GPC6: variants seen among roughly 807,000 people sequenced by gnomAD.
GPC6 encodes glypican-6.
In GPC6, 14 loss-of-function variants were observed where a neutral mutation model predicts 55.2. That is an observed-to-expected ratio of 0.25 (90% CI 0.17 to 0.40). The LOEUF (loss-of-function observed/expected upper bound fraction) is 0.40. GPC6 is among the 10% of genes least tolerant of loss of function. The pLI is 1.00. For synonymous variants in GPC6, 278 were observed against 259.6 expected (o/e 1.07, Z -0.68); for missense variants, 641 against 708.5 (o/e 0.90, Z 1.08).
intron 4 of GPC6, among the ~76,000 whole-genome samples, chr13:94,037,929 A>G (rs891967884): frequency 7.2e-5 from 11 of 152,016 alleles, no homozygotes; most frequent in African/African-American, 2.7e-4. Context: ...TGCTTGACAT[A>G]TGTCTAGTAA....
intron 2 of GPC6, among the ~76,000 whole-genome samples, chr13:93,655,309 A>G (rs1880615476): frequency 6.6e-6 from 1 of 152,104 alleles, no homozygotes; most frequent in Admixed American, 6.5e-5. Flanking sequence ...ATTATAACTG[A>G]GTCATGCCTG....
intron 2 of GPC6, among the ~76,000 whole-genome samples, chr13:93,594,966 T>C (rs1594296423): frequency 6.6e-6 from 1 of 151,972 alleles, no homozygotes; most frequent in Non-Finnish European, 1.5e-5. Context: ...ACATACGAAT[T>C]TGGGGATAGG....
intron 4 of GPC6, among the ~76,000 whole-genome samples, chr13:94,285,668 C>T (rs1021043995): frequency 1.5e-4 from 23 of 152,258 alleles, no homozygotes; most frequent in African/African-American, 5.5e-4. Context: ...ATGTCTTCAA[C>T]AGAAAACTAA....
chr13:94,392,957 A>G (rs1254696802), intron 7 of GPC6, among the ~76,000 whole-genome samples: 1 of 152,190 alleles, frequency 6.6e-6, no homozygotes, highest in African/African-American at 2.4e-5. Flanking sequence ...TTTCTGCAGC[A>G]ACTACACCAT....
intron 4 of GPC6, among the ~76,000 whole-genome samples, chr13:94,169,784 T>C (rs1594015288): frequency 1.3e-5 from 2 of 152,062 alleles, no homozygotes; most frequent in Middle Eastern, 3.2e-3. Context: ...ACAGAGAACG[T>C]CACAGAGAGA....
chr13:93,830,123 A>G (rs904191135), intron 2 of GPC6, 31 bp from the exon 3 acceptor site: 2 of 1,580,782 alleles, frequency 1.3e-6, no homozygotes, highest in African/African-American at 2.7e-5. Flanking sequence ...AGATTTCATT[A>G]ATTTATGACT....
chr13:93,491,862 T>C (rs1430174739), intron 1 of GPC6, among the ~76,000 whole-genome samples: 1 of 105,588 alleles, frequency 9.5e-6, no homozygotes, highest in African/African-American at 3.5e-5. Flanking sequence ...AGGGCTCTGT[T>C]CTGCTCCATT....
chr13:94,122,766 G>A (rs958896284), intron 4 of GPC6, among the ~76,000 whole-genome samples: 1 of 152,002 alleles, frequency 6.6e-6, no homozygotes, highest in Non-Finnish European at 1.5e-5. Flanking sequence ...TCCTCATTTT[G>A]CAGATAAAGC....
intron 6 of GPC6, among the ~76,000 whole-genome samples, chr13:94,360,715 C>G (rs183965930): frequency 6.6e-5 from 10 of 152,280 alleles, no homozygotes; most frequent in East Asian, 1.9e-4. Flanking sequence ...TCCTCCTCCC[C>G]CCAAATATAT....
At chr13:93,632,473 G>T (rs186072643) in intron 2 of GPC6, among the ~76,000 whole-genome samples, 68 of 151,784 alleles carry the variant, frequency 4.5e-4, no homozygotes, top group Non-Finnish European at 9.0e-4. Flanking sequence ...GCCCAGCATG[G>T]TGGTGTGTAC....
intron 4 of GPC6, among the ~76,000 whole-genome samples, chr13:94,281,714 A>G (rs1335936813): frequency 6.6e-6 from 1 of 152,222 alleles, no homozygotes; most frequent in African/African-American, 2.4e-5. Flanking sequence ...CTGTGTCAAG[A>G]GACTTCACTC....
At chr13:94,376,637 C>T (rs1380633754) in intron 6 of GPC6, among the ~76,000 whole-genome samples, 1 of 151,780 alleles carries the variant, frequency 6.6e-6, no homozygotes, top group Non-Finnish European at 1.5e-5. Context: ...AGGTAATTTA[C>T]AGATTCAATG....
In GPC6 at chr13:94,215,993, G is replaced by A. The variant is rs371599078; in HGVS notation, c.878-70356G>A. ...CGTATTTCAAATATGTTTTTTAGAC[G>A]TTAGTTCCTATTCTTTGTCATAAAA... is the stretch of plus-strand genomic sequence containing the variant. On this transcript the variant is annotated intron_variant, in intron 4 of 8. Coordinates refer to ENST00000377047, the MANE Select transcript of GPC6 (RefSeq NM_005708.5). Among the ~76,000 whole-genome samples, 13 of 52,332 alleles carry A rather than the reference G, an allele frequency of 2.5e-4. No individual in the cohort carries two copies. The East Asian group carries it at 4.2e-3, about 17-fold the overall frequency. The allele number at this position is 52,332 out of a possible 152,430, so 34.3% of individuals were successfully genotyped here.
At chr13:94,005,239 T>C (rs772786110) in intron 3 of GPC6, among the ~76,000 whole-genome samples, 7 of 152,240 alleles carry the variant, frequency 4.6e-5, no homozygotes, top group Non-Finnish European at 8.8e-5. Flanking sequence ...TAATATATTC[T>C]TCCCCTCAGT....
intron 3 of GPC6, among the ~76,000 whole-genome samples, chr13:93,868,439 A>G (rs1043614826): frequency 6.6e-6 from 1 of 151,854 alleles, no homozygotes; most frequent in East Asian, 2.0e-4. Flanking sequence ...TTATAAAATA[A>G]TAAGTTAATA....
chr13:93,537,788 A>C (rs1882118862), intron 1 of GPC6, among the ~76,000 whole-genome samples: 1 of 152,144 alleles, frequency 6.6e-6, no homozygotes, highest in Admixed American at 6.6e-5. Flanking sequence ...GTTGTTAAGC[A>C]TTTCCTTCTC....
At chr13:93,972,111 G>C (rs1455289057) in intron 3 of GPC6, among the ~76,000 whole-genome samples, 3 of 152,244 alleles carry the variant, frequency 2.0e-5, no homozygotes, top group East Asian at 3.9e-4. Flanking sequence ...AGCCACAAAG[G>C]CTTGGTCCAA....
intron 2 of GPC6, among the ~76,000 whole-genome samples, chr13:93,711,885 A>G (rs1312189491): frequency 1.3e-5 from 2 of 151,782 alleles, no homozygotes; most frequent in African/African-American, 2.4e-5. Context: ...TCTTGGTAAG[A>G]CAATTCACAA....
intron 2 of GPC6, among the ~76,000 whole-genome samples, chr13:93,674,015 A>T (rs1276894658): frequency 6.6e-6 from 1 of 152,080 alleles, no homozygotes; most frequent in Admixed American, 6.6e-5. Context: ...AAGATGAATT[A>T]TAGAGGAGGA....
Sources: gnomAD v4.1 joint callset for allele counts (sites outside exome capture counted in the v4.1 genomes callset) on GRCh38, gnomAD v4.1.1 for gene constraint, MANE v1.5 for transcripts, NCBI Gene and HGNC (gene_info 2026-07-23, HGNC 2026-07-21) for gene names.